ADK: variants seen among roughly 807,000 people sequenced by gnomAD.
ADK encodes the protein N6,N6-dimethyladenosine kinase.
Under a neutral mutation model 44.7 loss-of-function variants are expected in ADK, and 24 were observed. That is an observed-to-expected ratio of 0.54 (90% confidence interval 0.39 to 0.76). ADK has a LOEUF of 0.76. ADK is among the 30% of genes least tolerant of loss of function. ADK has a pLI of 0.00. For missense variants in ADK, 321 were observed against 425.1 expected (o/e 0.76, Z 2.15); for synonymous variants, 128 against 142.6 (o/e 0.90, Z 0.73).
At chr10:74,665,330 T>A (rs2134181050) in intron 9 of ADK, among the ~76,000 whole-genome samples, 1 of 152,360 alleles carries the variant, frequency 6.6e-6, no homozygotes, top group Non-Finnish European at 1.5e-5. Flanking sequence ...GGTTTTTACG[T>A]AGTCATACTT....
intron 8 of ADK, among the ~76,000 whole-genome samples, chr10:74,598,400 T>G (rs575468822): frequency 4.0e-5 from 6 of 151,874 alleles, no homozygotes; most frequent in Admixed American, 1.3e-4. Context: ...AAAATATGTC[T>G]TCTCACAGGG....
intron 6 of ADK, among the ~76,000 whole-genome samples, chr10:74,440,219 C>T (rs1485047706): frequency 6.6e-6 from 1 of 151,856 alleles, no homozygotes; most frequent in Admixed American, 6.6e-5. Context: ...AATAGCTTAC[C>T]ACATAGTAAT....
At chr10:74,581,312 G>C (rs1851366696) in intron 7 of ADK, among the ~76,000 whole-genome samples, 1 of 152,100 alleles carries the variant, frequency 6.6e-6, no homozygotes, top group Admixed American at 6.5e-5. Flanking sequence ...AAAGTTCACT[G>C]GGTAAGATGT....
intron 3 of ADK, among the ~76,000 whole-genome samples, chr10:74,230,084 C>T (rs1446864926): frequency 1.8e-5 from 2 of 111,764 alleles, no homozygotes; most frequent in Non-Finnish European, 3.6e-5. Flanking sequence ...GAGCTAAGAA[C>T]TGGATATCTG....
intron 4 of ADK, among the ~76,000 whole-genome samples, chr10:74,353,764 A>T (rs1842045182): frequency 6.6e-6 from 1 of 152,008 alleles, no homozygotes; most frequent in South Asian, 2.1e-4. Context: ...GCTACTTGGG[A>T]GGCTGAGGCA....
At chr10:74,450,417 G>A (rs1211549812) in intron 6 of ADK, among the ~76,000 whole-genome samples, 1 of 152,118 alleles carries the variant, frequency 6.6e-6, no homozygotes, top group African/African-American at 2.4e-5. Flanking sequence ...AACTCTTTGA[G>A]AGTAAGAATT....
At chr10:74,671,038 T>TAAAAAAAAAAAAAAAAAAA (rs10670267) in intron 10 of ADK, among the ~76,000 whole-genome samples, 1 of 99,112 alleles carries the variant, frequency 1.0e-5, no homozygotes, top group Non-Finnish European at 1.9e-5. Flanking sequence ...CAGGTTAATT[T>TAAAAAAAAAAAAAAAAAAA]AAAAAAAAAA....
At chr10:74,418,507 A>G (rs1220938207) in intron 6 of ADK, among the ~76,000 whole-genome samples, 1 of 152,202 alleles carries the variant, frequency 6.6e-6, no homozygotes, top group African/African-American at 2.4e-5. Flanking sequence ...CTAGGAAATC[A>G]AGGTCCTGAG....
intron 1 of ADK, among the ~76,000 whole-genome samples, chr10:74,160,725 G>GTGTGTGTA (rs753375980): frequency 0.027 from 4,024 of 150,786 alleles, 62 homozygotes; most frequent in African/African-American, 0.035. Context: ...GTGTATGTGT[G>GTGTGTGTA]TGTGTAGGTA....
chr10:74,613,512 T>C (rs1375012123), intron 9 of ADK, among the ~76,000 whole-genome samples: 1 of 152,106 alleles, frequency 6.6e-6, no homozygotes, highest in East Asian at 1.9e-4. Flanking sequence ...TTGAGGTGCT[T>C]ATAATTTAAC....
intron 4 of ADK, among the ~76,000 whole-genome samples, chr10:74,375,612 T>A (rs977115411): frequency 6.6e-6 from 1 of 152,164 alleles, no homozygotes. Flanking sequence ...TAGCCTCTTA[T>A]TAGAGTCAGT....
intron 1 of ADK, among the ~76,000 whole-genome samples, chr10:74,171,627 A>G (rs1444114133): frequency 6.6e-6 from 1 of 152,220 alleles, no homozygotes; most frequent in African/African-American, 2.4e-5. Flanking sequence ...AGCTATTCTA[A>G]TTGTAAAAAG....
At chr10:74,566,053 A>G (rs1181133967) in intron 7 of ADK, among the ~76,000 whole-genome samples, 2 of 152,138 alleles carry the variant, frequency 1.3e-5, no homozygotes, top group Non-Finnish European at 2.9e-5. Context: ...AAATAAGACA[A>G]TGCATGATAC....
intron 5 of ADK, among the ~76,000 whole-genome samples, chr10:74,397,829 T>A (rs1487490913): frequency 6.6e-6 from 1 of 152,198 alleles, no homozygotes; most frequent in Non-Finnish European, 1.5e-5. Flanking sequence ...TTTGAGCTAC[T>A]GCACCCAACC....
At position 74,622,736 on chromosome 10, in the gene ADK, G is replaced by C. The variant is rs564143926; in HGVS notation, c.877+22243G>C. ...TTAGAACCCAGCCTCGGCCTGGTGC[G>C]GTGGCTCATGCCTGTAATCCTAGCA... On this transcript the variant is annotated intron_variant, in intron 9 of 10. Coordinates refer to ENST00000539909, the MANE Select transcript of ADK (RefSeq NM_006721.4). Among the ~76,000 whole-genome samples, 11 of 152,256 alleles carry C rather than the reference G, an allele frequency of 7.2e-5. No homozygotes were observed. The South Asian group carries it at 2.3e-3, about 32-fold the overall frequency.
At chr10:74,398,239 A>G (rs1164316451) in intron 5 of ADK, among the ~76,000 whole-genome samples, 2 of 152,120 alleles carry the variant, frequency 1.3e-5, no homozygotes, top group Non-Finnish European at 1.5e-5. Flanking sequence ...TTAAATGCCA[A>G]TTTCTTTCTC....
intron 4 of ADK, among the ~76,000 whole-genome samples, chr10:74,369,126 G>A (rs1489537890): frequency 2.0e-5 from 3 of 152,162 alleles, no homozygotes; most frequent in Non-Finnish European, 2.9e-5. Context: ...GGAGGCCAAG[G>A]CAGGTGGATC....
rs1302587031 is a variant in ADK at position 74,708,900 on chromosome 10, C to T, written c.*455C>T. 1 of 177,080 alleles carries T rather than the reference C, an allele frequency of 5.6e-6. No homozygotes were observed. The highest frequency in any genetic ancestry group is 2.4e-5 in the African/African-American group (1 of 41,500). The allele number at this position is 177,080 out of a possible 1,614,324, so 11.0% of individuals were successfully genotyped here. ...AGGAGTATATGTGTGTCTATACACACACATACATAAATATACCACATATAC... is the reference window on the plus strand; with the variant it reads ...AGGAGTATATGTGTGTCTATACACATACATACATAAATATACCACATATAC... On this transcript the variant is annotated 3_prime_UTR_variant, in exon 11 of 11. Coordinates refer to ENST00000539909, the MANE Select transcript of ADK (RefSeq NM_006721.4).
intron 9 of ADK, among the ~76,000 whole-genome samples, chr10:74,622,363 C>G (rs900733311): frequency 6.6e-6 from 1 of 152,096 alleles, no homozygotes; most frequent in Non-Finnish European, 1.5e-5. Context: ...AGATCCTCTT[C>G]TCTCTGAGAC....
Sources: gnomAD v4.1 joint callset for allele counts (sites outside exome capture counted in the v4.1 genomes callset) on GRCh38, gnomAD v4.1.1 for gene constraint, MANE v1.5 for transcripts, NCBI Gene and HGNC (gene_info 2026-07-23, HGNC 2026-07-21) for gene names.